Variants in TUBA1C observed in about 807,000 individuals in gnomAD.
TUBA1C encodes the protein tubulin alpha-1C chain.
Under a neutral mutation model 34.9 loss-of-function variants are expected in TUBA1C, and 16 were observed. The observed-to-expected ratio is 0.46, with a 90% CI of 0.31 to 0.70. TUBA1C has a LOEUF of 0.70. Among genes scored for constraint, TUBA1C ranks in the 30% least tolerant of loss-of-function variants. The probability of loss-of-function intolerance (pLI) is 0.05; values close to 1 mark genes in which losing one functional copy is unlikely to be tolerated. For missense variants in TUBA1C, 329 were observed against 587.3 expected, an observed-to-expected ratio of 0.56 and a Z score of 4.55; for synonymous variants, 177 against 215.9, an observed-to-expected ratio of 0.82 and a Z score of 1.58.
chr12:49,270,070 C>G, intron 3 of TUBA1C, 94 bp downstream of exon 3: 1 of 1,605,500 alleles, frequency 6.2e-7, no homozygotes, highest in Non-Finnish European at 8.5e-7. Context: ...TAAAATGAGA[C>G]TATTTGCATT....
intron 1 of TUBA1C, chr12:49,256,569 T>G (rs1427065416): frequency 3.3e-6 from 1 of 304,740 alleles, no homozygotes; most frequent in African/African-American, 2.2e-5. Flanking sequence ...AATGAGGAAA[T>G]CTTTATCTAT....
At chr12:49,259,325 G>A (rs1388999157) in intron 1 of TUBA1C, among the ~76,000 whole-genome samples, 7 of 151,412 alleles carry the variant, frequency 4.6e-5, no homozygotes, top group African/African-American at 1.5e-4. Context: ...TCTGCCTCCC[G>A]GGTTCAAGCG....
intron 1 of TUBA1C, among the ~76,000 whole-genome samples, chr12:49,241,674 A>C (rs893327994): frequency 9.6e-6 from 1 of 104,688 alleles, no homozygotes; most frequent in Non-Finnish European, 1.8e-5. Context: ...TCCTTTTTTG[A>C]GAGTCTCGCT....
intron 1 of TUBA1C, among the ~76,000 whole-genome samples, chr12:49,239,892 G>C (rs1052687139): frequency 4.6e-5 from 7 of 152,118 alleles, no homozygotes; most frequent in Non-Finnish European, 7.3e-5. Flanking sequence ...CCTCTGGCTT[G>C]GGACAGGACC....
At chr12:49,256,717 G>GA (rs1410367439) in intron 1 of TUBA1C, among the ~76,000 whole-genome samples, 8 of 152,284 alleles carry the variant, frequency 5.3e-5, no homozygotes, top group African/African-American at 1.7e-4. Flanking sequence ...AAAAACAGAG[G>GA]CCTGCAAGTG....
chr12:49,250,010 C>T (rs1319405407), intron 1 of TUBA1C, among the ~76,000 whole-genome samples: 1 of 151,204 alleles, frequency 6.6e-6, no homozygotes. Flanking sequence ...CAGCCTGGCC[C>T]AACGTGGTGA....
At chr12:49,271,858 TTG>T (rs1038855401) in intron 3 of TUBA1C, among the ~76,000 whole-genome samples, 5 of 152,262 alleles carry the variant, frequency 3.3e-5, no homozygotes, top group African/African-American at 1.2e-4. Context: ...AGCCCAGGCC[TTG>T]TGATTCCTCT....
chr12:49,273,212 G>C lies in TUBA1C; in HGVS notation c.1335G>C (p.Glu445Asp), dbSNP rs371067017. Residue 445 changes from glutamate (E) to aspartate (D), a missense_variant, in exon 4 of 4, where the codon GAG becomes GAC. This residue lies in a region of TUBA1C where 34 missense variants were observed against 31.8 expected (regional missense o/e 1.07). Transcript: ENST00000301072. ...CAGATAGTGCTGACGGAGAGGATGAGGGTGAAGAGTATTAACCTGTGTGCT... is the reference window on the plus strand; with the variant it reads ...CAGATAGTGCTGACGGAGAGGATGACGGTGAAGAGTATTAACCTGTGTGCT... ...VGADSADGED[E>D]GEEY 2.7e-5 allele frequency: 44 copies of C among 1,614,118 alleles called. No homozygotes were observed. The highest frequency in any genetic ancestry group is 4.2e-6 in the Non-Finnish European group (5 of 1,180,056).
At chr12:49,237,234 A>C (rs1415258255) in intron 1 of TUBA1C, among the ~76,000 whole-genome samples, 1 of 151,754 alleles carries the variant, frequency 6.6e-6, no homozygotes, top group Admixed American at 6.6e-5. Context: ...AGCCTGACCA[A>C]CATGGAGAAA....
rs755897335 is a variant in TUBA1C, at chr12:49,273,020, C to T, written c.1143C>T (p.Thr381=). ...VQRAVCMLSN[T]TAVAEAWARL... is the part of the protein sequence containing the mutation. ...GAGCTGTGTGCATGCTGAGCAATAC[C>T]ACAGCTGTTGCCGAGGCCTGGGCTC... is the stretch of plus-strand genomic sequence containing the variant. Residue 381 remains threonine, a synonymous_variant, in exon 4 of 4, where the codon ACC becomes ACT. Coordinates refer to ENST00000301072, the MANE Select transcript of TUBA1C (RefSeq NM_032704.5). The T allele has an allele frequency of 6.2e-7, 1 of 1,614,100 alleles. No individual in the cohort carries two copies. The highest frequency in any genetic ancestry group is 2.2e-5 in the East Asian group (1 of 44,900).
intron 1 of TUBA1C, among the ~76,000 whole-genome samples, chr12:49,231,697 T>C (rs4341580): frequency 4.5e-4 from 68 of 150,508 alleles, no homozygotes; most frequent in Middle Eastern, 3.4e-3. Flanking sequence ...GATAGATAGA[T>C]AGACAGACAG....
intron 1 of TUBA1C, among the ~76,000 whole-genome samples, chr12:49,243,310 G>A (rs186400113): frequency 1.4e-4 from 22 of 152,154 alleles, no homozygotes; most frequent in African/African-American, 5.1e-4. Flanking sequence ...AGCTGGTGGC[G>A]CGCGCCTGGA....
At chr12:49,270,813 C>T (rs1034268802) in intron 3 of TUBA1C, among the ~76,000 whole-genome samples, 11 of 152,078 alleles carry the variant, frequency 7.2e-5, no homozygotes, top group African/African-American at 2.7e-4. Context: ...ACCCTCTCTA[C>T]TAAAAATACA....
chr12:49,270,095 T>G, intron 3 of TUBA1C, 119 bp downstream of exon 3: 1 of 1,578,864 alleles, frequency 6.3e-7, no homozygotes, highest in Non-Finnish European at 8.7e-7. Flanking sequence ...CTAAAATGTA[T>G]CTGTTCACTA....
At chr12:49,264,778 A>C, upstream of TUBA1C, 1 of 186,452 alleles carries the variant, frequency 5.4e-6, no homozygotes, top group Non-Finnish European at 1.1e-5. Context: ...CCCATTCTCC[A>C]GCCCCAGAGC....
intron 1 of TUBA1C, among the ~76,000 whole-genome samples, chr12:49,231,717 C>T (rs571153757): frequency 1.1e-4 from 16 of 151,154 alleles, no homozygotes; most frequent in African/African-American, 2.7e-4. Context: ...GACAGACAGA[C>T]AGATAGATAG....
upstream of TUBA1C, among the ~76,000 whole-genome samples, chr12:49,263,143 C>T (rs921096871): frequency 6.6e-6 from 1 of 151,180 alleles, no homozygotes; most frequent in African/African-American, 2.4e-5. Context: ...GCCTCAGCCT[C>T]CCGAGTAGTT....
chr12:49,237,559 A>C (rs1942569281), intron 1 of TUBA1C, among the ~76,000 whole-genome samples: 1 of 151,040 alleles, frequency 6.6e-6, no homozygotes, highest in South Asian at 2.1e-4. Context: ...CCTGGGCAAC[A>C]CAGTGAGACC....
In TUBA1C at chr12:49,230,434, G is replaced by A. The variant is rs1004534944; in HGVS notation, c.213+2268G>A. Among the ~76,000 whole-genome samples the A allele has an allele frequency of 2.0e-5, 3 of 152,258 alleles. No homozygotes were observed. In the East Asian group the frequency reaches 5.8e-4, roughly 29 times the overall value. ...CAGGTACAGTGTTATCAGTAGATTC[G>A]TTCCCTCTCTGCCTCTGAATATTTG... On this transcript the variant is annotated intron_variant, in intron 1 of 3. Coordinates refer to the TUBA1C transcript ENST00000541364.
Sources: allele counts gnomAD v4.1 joint callset (sites outside exome capture counted in the v4.1 genomes callset), GRCh38; gene constraint gnomAD v4.1.1; regional missense constraint gnomAD v4.1.1; transcripts MANE v1.5; gene names NCBI Gene and HGNC (gene_info 2026-07-23, HGNC 2026-07-21).